The following MREG variants were observed in gnomAD, a reference collection of about 807,000 sequenced individuals.
MREG encodes the protein dilute suppressor protein homolog.
A neutral mutation model predicts 28.5 loss-of-function variants in MREG; 31 were observed. The observed-to-expected ratio is 1.09, with a 90% CI of 0.82 to 1.47. The LOEUF (loss-of-function observed/expected upper bound fraction) is 1.47. Among genes scored for constraint, MREG ranks in the 40% most tolerant of loss-of-function variants. MREG has a pLI of 0.00. For synonymous variants in MREG, 106 were observed against 95.2 expected, an observed-to-expected ratio of 1.11 and a Z score of -0.66; for missense variants, 256 against 257.4, an observed-to-expected ratio of 0.99 and a Z score of 0.04.
chr2:216,031,648 AAAGAAAG>A (rs1176236442), intron 1 of MREG, among the ~76,000 whole-genome samples: 3 of 25,118 alleles, frequency 1.2e-4, no homozygotes, highest in Non-Finnish European at 2.6e-4. Context: ...AGGAAGAAGA[AAAGAAAG>A]AAAGAAAGAA....
chr2:215,944,686 T>G lies in MREG; in HGVS notation c.*177A>C, dbSNP rs1487446965. On this transcript the variant is annotated 3_prime_UTR_variant, in exon 5 of 5. Transcript: ENST00000263268. ...ATCACCAAGGCGTTTCAATGCAGCC[T>G]GCACAATTCATGGGGCAGGGTCCTC... is the stretch of plus-strand genomic sequence containing the variant. 2 of 555,512 alleles carry G rather than the reference T, an allele frequency of 3.6e-6. No individual in the cohort carries two copies. Among genetic ancestry groups the G allele is most frequent in the African/African-American group, 3.7e-5 (2 of 54,034 alleles). The allele number at this position is 555,512 out of a possible 1,614,324, so 34.4% of individuals were successfully genotyped here.
At position 215,944,539 on chromosome 2, in the gene MREG, A is replaced by G. The variant is rs1692271305; in HGVS notation, c.*324T>C. The G allele has an allele frequency of 5.1e-6, 1 of 195,100 alleles. No individual in the cohort carries two copies. Among genetic ancestry groups the G allele is most frequent in the African/African-American group, 2.3e-5 (1 of 43,332 alleles). 12.1% of individuals were successfully genotyped at this position (195,100 alleles called of 1,614,324 possible). A position where few individuals can be genotyped will look rare whatever the true frequency, so the allele number is the denominator to read the frequency against. ...TGAAATAGTCCACTCAGTCAGTAGGATTAATGATCAGAGATTATGACACAA... is the reference window on the plus strand; with the variant it reads ...TGAAATAGTCCACTCAGTCAGTAGGGTTAATGATCAGAGATTATGACACAA... On this transcript the variant is annotated 3_prime_UTR_variant, in exon 5 of 5. Coordinates refer to ENST00000263268, the MANE Select transcript of MREG (RefSeq NM_018000.3).
chr2:215,967,326 G>A (rs1277987092), intron 2 of MREG, among the ~76,000 whole-genome samples: 2 of 152,136 alleles, frequency 1.3e-5, no homozygotes. Flanking sequence ...AATATGAAAG[G>A]AAAATAGCAG....
chr2:216,006,505 CG>C (rs1437523064), intron 1 of MREG, among the ~76,000 whole-genome samples: 1 of 152,194 alleles, frequency 6.6e-6, no homozygotes, highest in Admixed American at 6.5e-5. Flanking sequence ...AATCATTGTC[CG>C]GCCCCGGAGC....
intron 2 of MREG, among the ~76,000 whole-genome samples, chr2:215,949,087 CTAATAA>C (rs58773562): frequency 1.3e-3 from 163 of 124,594 alleles, no homozygotes; most frequent in African/African-American, 2.7e-3. Flanking sequence ...ACTACTACTA[CTAATAA>C]TAATAATAAT....
intron 2 of MREG, among the ~76,000 whole-genome samples, chr2:215,963,421 G>C (rs1206674761): frequency 7.2e-6 from 1 of 139,618 alleles, no homozygotes; most frequent in Non-Finnish European, 1.5e-5. Context: ...GAGTGATAGA[G>C]TGAGAACCCA....
chr2:216,030,354 T>G (rs1222007847), intron 1 of MREG, among the ~76,000 whole-genome samples: 5 of 152,322 alleles, frequency 3.3e-5, no homozygotes, highest in African/African-American at 9.6e-5. Context: ...ACTTCTGCCA[T>G]GTGCTGAGAT....
chr2:216,002,041 C>G (rs1301022508), intron 1 of MREG, among the ~76,000 whole-genome samples: 2 of 152,124 alleles, frequency 1.3e-5, no homozygotes, highest in African/African-American at 4.8e-5. Flanking sequence ...CTCCCTCCCC[C>G]ATATCATGAG....
At chr2:215,957,630 C>T (rs1242757040) in intron 2 of MREG, among the ~76,000 whole-genome samples, 1 of 152,056 alleles carries the variant, frequency 6.6e-6, no homozygotes, top group Non-Finnish European at 1.5e-5. Flanking sequence ...TGTGAGACTC[C>T]CTGATACTTT....
intron 2 of MREG, among the ~76,000 whole-genome samples, chr2:215,980,559 T>G (rs1407242801): frequency 6.6e-6 from 1 of 152,236 alleles, no homozygotes; most frequent in Non-Finnish European, 1.5e-5. Flanking sequence ...TTTCAGTGCA[T>G]CTACTTTATG....
At chr2:216,031,469 A>AAG (rs1559203881) in intron 1 of MREG, among the ~76,000 whole-genome samples, 4 of 126,580 alleles carry the variant, frequency 3.2e-5, no homozygotes, top group African/African-American at 1.2e-4. Context: ...GAAAGAAAGA[A>AAG]AGAAAGAGAA....
At chr2:216,012,546 C>A (rs1351618144) in intron 1 of MREG, among the ~76,000 whole-genome samples, 2 of 152,028 alleles carry the variant, frequency 1.3e-5, no homozygotes, top group African/African-American at 4.8e-5. Context: ...ATGACCTAGT[C>A]CAGCCTCGAT....
In MREG at chr2:216,013,322, C is replaced by G. The variant is rs1473803734; in HGVS notation, c.6G>C (p.Gly2=). M[G]LRDWLRTVCC... Reference sequence around the variant, plus strand: ...ACACGGTTCTCAGCCAGTCCCTCAGCCCCATGGAGAGCGAGGGCCCCCACC... The same window carrying G: ...ACACGGTTCTCAGCCAGTCCCTCAGGCCCATGGAGAGCGAGGGCCCCCACC... Residue 2 remains glycine, a synonymous_variant, in exon 1 of 5, where the codon GGG becomes GGC. Transcript: ENST00000263268. The G allele has an allele frequency of 8.5e-6, 13 of 1,532,598 alleles. No individual in the cohort carries two copies. The highest frequency in any genetic ancestry group is 1.1e-5 in the Non-Finnish European group (12 of 1,139,836). 94.9% of individuals were successfully genotyped at this position (1,532,598 alleles called of 1,614,324 possible). A position where few individuals can be genotyped will look rare whatever the true frequency, so the allele number is the denominator to read the frequency against.
intron 1 of MREG, among the ~76,000 whole-genome samples, chr2:216,024,080 C>A (rs557756949): frequency 6.6e-6 from 1 of 152,148 alleles, no homozygotes; most frequent in Non-Finnish European, 1.5e-5. Flanking sequence ...GGAGCTGAAA[C>A]TGGATGCCTC....
At chr2:215,947,261 A>G (rs1692348319) in intron 2 of MREG, 148 bp from the exon 3 acceptor site, 1 of 603,660 alleles carries the variant, frequency 1.7e-6, no homozygotes. Flanking sequence ...GATGGATGAG[A>G]TAAAGTTGAT....
intron 2 of MREG, among the ~76,000 whole-genome samples, chr2:215,959,988 C>T (rs941235775): frequency 1.3e-5 from 2 of 151,400 alleles, no homozygotes; most frequent in East Asian, 3.9e-4. Flanking sequence ...CGGAGTCTCG[C>T]TCTGTCGCAC....
intron 2 of MREG, among the ~76,000 whole-genome samples, chr2:215,991,760 A>G (rs1230636303): frequency 6.6e-6 from 1 of 152,222 alleles, no homozygotes; most frequent in Non-Finnish European, 1.5e-5. Context: ...AGAAAATACT[A>G]TAAACACCTC....
intron 2 of MREG, among the ~76,000 whole-genome samples, chr2:215,974,937 A>C (rs1693209598): frequency 2.0e-5 from 3 of 150,228 alleles, no homozygotes; most frequent in Non-Finnish European, 4.4e-5. Flanking sequence ...AACAGTTTAG[A>C]AAGATCCAGG....
At chr2:215,966,304 T>C (rs1692937366) in intron 2 of MREG, among the ~76,000 whole-genome samples, 1 of 152,138 alleles carries the variant, frequency 6.6e-6, no homozygotes, top group Non-Finnish European at 1.5e-5. Context: ...TGGGTTTTGC[T>C]CATCCCGCCC....
Sources: allele counts gnomAD v4.1 joint callset (sites outside exome capture counted in the v4.1 genomes callset), GRCh38; gene constraint gnomAD v4.1.1; transcripts MANE v1.5; gene names NCBI Gene and HGNC (gene_info 2026-07-23, HGNC 2026-07-21).